The following GLIS1 variants were observed in gnomAD, a reference collection of about 807,000 sequenced individuals.
The protein encoded by GLIS1 is zinc finger protein GLIS1.
In GLIS1, 24 loss-of-function variants were observed where a neutral mutation model predicts 63.8. The observed-to-expected ratio is 0.38, with a 90% CI of 0.27 to 0.53. The LOEUF (loss-of-function observed/expected upper bound fraction) is 0.53. GLIS1 is among the 20% of genes least tolerant of loss of function. GLIS1 has a pLI of 0.85. For missense variants in GLIS1, 1,036 were observed against 1,074.1 expected (o/e 0.96, Z 0.50); for synonymous variants, 450 against 482.5 (o/e 0.93, Z 0.88).
rs566400878 is a variant in GLIS1 at position 53,664,124 on chromosome 1, G to C, written c.260-63846C>G. 2.1e-4 allele frequency among the ~76,000 whole-genome samples: 32 copies of C among 152,254 alleles called. 1 individual carries two copies. The South Asian group carries it at 6.4e-3, about 31-fold the overall frequency. On this transcript the variant is annotated intron_variant, in intron 2 of 10. Coordinates refer to ENST00000628545, the MANE Select transcript of GLIS1 (RefSeq NM_001367484.1). ...AAAATAACCCTGACAGGATCCATGC[G>C]GTGCCCACTTCCAGGGGAAAGCCTG...
intron 4 of GLIS1, among the ~76,000 whole-genome samples, chr1:53,592,507 G>A (rs1293540939): frequency 3.9e-5 from 6 of 152,252 alleles, no homozygotes; most frequent in East Asian, 1.9e-4. Context: ...CCAGGGTCTC[G>A]GGGAGATATG....
intron 4 of GLIS1, among the ~76,000 whole-genome samples, chr1:53,571,588 T>A (rs1347574366): frequency 6.6e-6 from 1 of 152,032 alleles, no homozygotes; most frequent in Admixed American, 6.5e-5. Context: ...AAAAATTTTT[T>A]TTTTTTGAGA....
chr1:53,575,236 G>T (rs1352727789), intron 4 of GLIS1, among the ~76,000 whole-genome samples: 1 of 152,170 alleles, frequency 6.6e-6, no homozygotes, highest in South Asian at 2.1e-4. Context: ...GGAACAGGAA[G>T]CTCACACAAG....
intron 4 of GLIS1, among the ~76,000 whole-genome samples, chr1:53,547,435 C>T (rs977689254): frequency 1.3e-5 from 2 of 152,248 alleles, no homozygotes; most frequent in Non-Finnish European, 2.9e-5. Flanking sequence ...CATCTCCCCT[C>T]GTCAGCACGG....
At chr1:53,605,746 A>C (rs1176221976) in intron 2 of GLIS1, among the ~76,000 whole-genome samples, 2 of 152,152 alleles carry the variant, frequency 1.3e-5, no homozygotes, top group Non-Finnish European at 2.9e-5. Context: ...AGGGGCCCGG[A>C]TTGAAGAAGG....
chr1:53,665,252 G>C (rs1361333705), intron 2 of GLIS1, among the ~76,000 whole-genome samples: 1 of 152,034 alleles, frequency 6.6e-6, no homozygotes. Flanking sequence ...GGAGAGAAGA[G>C]ACAAGGGGAC....
At chr1:53,531,306 G>A (rs146359679) in intron 4 of GLIS1, among the ~76,000 whole-genome samples, 1 of 152,344 alleles carries the variant, frequency 6.6e-6, no homozygotes, top group East Asian at 1.9e-4. Flanking sequence ...GGGCCAGCAT[G>A]GGCTCCCAGC....
rs969270204 is a variant in GLIS1, at chr1:53,598,994, G to T, written c.437+1107C>A. 2.0e-5 allele frequency among the ~76,000 whole-genome samples: 3 copies of T among 152,208 alleles called. No individual in the cohort carries two copies. Among genetic ancestry groups the T allele is most frequent in the African/African-American group, 7.2e-5 (3 of 41,452 alleles). On this transcript the variant is annotated intron_variant, in intron 3 of 10. Transcript: ENST00000628545. The surrounding 1 kb of genome is among the most constrained non-coding windows in gnomAD (Gnocchi z 4.6). ...CATGACAGGCACTTGACAAATGGCT[G>T]GTGAAGGAATAAACTGCAAACCGGC...
chr1:53,723,954 G>A (rs953913171), intron 2 of GLIS1, among the ~76,000 whole-genome samples: 1 of 152,178 alleles, frequency 6.6e-6, no homozygotes, highest in South Asian at 2.1e-4. Context: ...CTGGCTCTGG[G>A]TTACCCGCTA....
chr1:53,665,224 C>A (rs1009249941), intron 2 of GLIS1, among the ~76,000 whole-genome samples: 1 of 152,008 alleles, frequency 6.6e-6, no homozygotes, highest in African/African-American at 2.4e-5. Context: ...AGATTTGGGG[C>A]TGCTTTAGAT....
chr1:53,733,394 T>A (rs1646883546), intron 2 of GLIS1, among the ~76,000 whole-genome samples: 1 of 152,222 alleles, frequency 6.6e-6, no homozygotes, highest in Non-Finnish European at 1.5e-5. Context: ...AGACTATCGA[T>A]GTGATTCCAC....
chr1:53,626,397 C>G (rs1407631093), intron 2 of GLIS1, among the ~76,000 whole-genome samples: 1 of 152,176 alleles, frequency 6.6e-6, no homozygotes, highest in Non-Finnish European at 1.5e-5. Flanking sequence ...CAGGAACCCC[C>G]TTCTGCTCCA....
At chr1:53,556,325 GGTGT>G (rs1194724830) in intron 4 of GLIS1, among the ~76,000 whole-genome samples, 3 of 136,474 alleles carry the variant, frequency 2.2e-5, no homozygotes, top group African/African-American at 8.3e-5. Context: ...GTGTACTGCA[GGTGT>G]GTGTGTGCAG....
chr1:53,691,707 TA>T (rs1168310347), intron 2 of GLIS1, among the ~76,000 whole-genome samples: 1 of 152,186 alleles, frequency 6.6e-6, no homozygotes, highest in Non-Finnish European at 1.5e-5. Context: ...GATTTGCTAA[TA>T]AAGGGTCCTT....
At chr1:53,634,951 T>C (rs1399305754) in intron 2 of GLIS1, among the ~76,000 whole-genome samples, 1 of 152,140 alleles carries the variant, frequency 6.6e-6, no homozygotes, top group Non-Finnish European at 1.5e-5. Context: ...CCCAGGAACA[T>C]TACCTAGACC....
At chr1:53,508,361 C>G (rs183058208) in intron 10 of GLIS1, among the ~76,000 whole-genome samples, 57 of 152,324 alleles carry the variant, frequency 3.7e-4, no homozygotes, top group African/African-American at 1.1e-3. Flanking sequence ...TGTCCCTCCA[C>G]CCTCCCGCTC....
intron 2 of GLIS1, among the ~76,000 whole-genome samples, chr1:53,655,858 T>C (rs1645960419): frequency 6.6e-6 from 1 of 152,180 alleles, no homozygotes; most frequent in Non-Finnish European, 1.5e-5. Flanking sequence ...CTGCATATCA[T>C]CACTTAATCT....
chr1:53,591,727 G>A (rs1645194663), intron 4 of GLIS1, among the ~76,000 whole-genome samples: 1 of 152,198 alleles, frequency 6.6e-6, no homozygotes, highest in Non-Finnish European at 1.5e-5. Flanking sequence ...CACACAGTCT[G>A]TACTTGGAAG....
rs555185412 is a variant in GLIS1 at position 53,598,351 on chromosome 1, C to T, written c.437+1750G>A. Among the ~76,000 whole-genome samples the T allele has an allele frequency of 5.9e-5, 9 of 152,192 alleles. No individual in the cohort carries two copies. Among genetic ancestry groups the T allele is most frequent in the South Asian group, 4.1e-4 (2 of 4,822 alleles). ...TGAGCCCAGGAGTTCAAGACCAGCC[C>T]GGCCAACATGGTGAAACCCCGTCTC... On this transcript the variant is annotated intron_variant, in intron 3 of 10. Transcript: ENST00000628545. The surrounding 1 kb of genome is among the most constrained non-coding windows in gnomAD (Gnocchi z 4.6).
Sources: allele counts gnomAD v4.1 joint callset (sites outside exome capture counted in the v4.1 genomes callset), GRCh38; gene constraint gnomAD v4.1.1; non-coding constraint Gnocchi (gnomAD v3.1); transcripts MANE v1.5; gene names NCBI Gene and HGNC (gene_info 2026-07-23, HGNC 2026-07-21).